The following AHNAK2 variants were observed in gnomAD, a reference collection of about 807,000 sequenced individuals.
AHNAK2 encodes the protein protein AHNAK2.
AHNAK2 carries 18 observed loss-of-function variants against 30.7 expected under a neutral mutation model. That is an observed-to-expected ratio of 0.59 (90% confidence interval 0.41 to 0.87). The LOEUF is 0.87. Among genes scored for constraint, AHNAK2 ranks in the 40% least tolerant of loss-of-function variants. AHNAK2 has a pLI of 0.00. For missense variants in AHNAK2, 8,604 were observed against 7,373.0 expected (o/e 1.17, Z -6.11); for synonymous variants, 3,590 against 3,073.8 (o/e 1.17, Z -5.56).
chr14:104,945,307 G>C lies in AHNAK2; in HGVS notation c.10144C>G (p.Pro3382Ala), dbSNP rs756938078. Residue 3382 changes from proline (P) to alanine (A), a missense_variant, in exon 7 of 7, where the codon CCC becomes GCC. By Grantham distance (27) the Pro-to-Ala change is conservative. Coordinates refer to ENST00000333244, the MANE Select transcript of AHNAK2 (RefSeq NM_138420.4). ...TGCCCTTTGAGGCCAGCTCCCTCGG[G>C]CACGTGGCCCTCCGGGAGCTTCACG... ...VDVKLPEGHV[P>A]EGAGLKGHLP... The C allele has an allele frequency of 2.5e-6, 4 of 1,612,980 alleles. No individual in the cohort carries two copies. The highest frequency in any genetic ancestry group is 3.4e-6 in the Non-Finnish European group (4 of 1,179,614).
Position 104,943,411 on chromosome 14 carries a change from T to C in AHNAK2, c.12040A>G (p.Thr4014Ala), listed in dbSNP as rs1898087445. 3 of 1,613,254 alleles carry C rather than the reference T, an allele frequency of 1.9e-6. No individual in the cohort carries two copies. Among genetic ancestry groups the C allele is most frequent in the Non-Finnish European group, 2.5e-6 (3 of 1,179,664 alleles). ...LPSMQGDLKA[T>A]DLSVQPPSAD... is the part of the protein sequence containing the mutation. The stretch of plus-strand genomic sequence containing the variant: ...GAAGGGGGCTGAACGCTGAGGTCAG[T>C]GGCCTTGAGGTCCCCCTGCATGGAA... Residue 4014 changes from threonine (T) to alanine (A), a missense_variant, in exon 7 of 7, where the codon ACT becomes GCT. By Grantham distance (58) the Thr-to-Ala change is moderately conservative. Transcript: ENST00000333244.
At position 104,953,995 on chromosome 14, in the gene AHNAK2, C is replaced by T. The variant is rs2140866346; in HGVS notation, c.1456G>A (p.Val486Ile). 1.2e-6 allele frequency: 2 copies of T among 1,613,824 alleles called. No homozygotes were observed. Among genetic ancestry groups the T allele is most frequent in the South Asian group, 1.1e-5 (1 of 91,086 alleles). The change falls in exon 7 of 7, where the codon GTA becomes ATA. Residue 486 changes from valine to isoleucine, a missense_variant. By Grantham distance (29) the Val-to-Ile change is conservative. Coordinates refer to ENST00000333244, the MANE Select transcript of AHNAK2 (RefSeq NM_138420.4). ...QIGPPEIRVRVHDLKTPKFAF... is the reference protein window; with the variant it reads ...QIGPPEIRVRIHDLKTPKFAF... ...AATTTTGGTGTCTTTAAATCGTGTACTCGCACCCTAATTTCTGGTGGGCCA... is the reference window on the plus strand; with the variant it reads ...AATTTTGGTGTCTTTAAATCGTGTATTCGCACCCTAATTTCTGGTGGGCCA...
In AHNAK2 at chr14:104,944,502, A is replaced by T. The variant is rs1428215929; in HGVS notation, c.10949T>A (p.Val3650Glu). Residue 3650 changes from valine (V) to glutamate (E), a missense_variant, in exon 7 of 7, where the codon GTA (valine) becomes GAA (glutamate). Val to Glu is a moderately radical substitution (Grantham distance 121). Coordinates refer to ENST00000333244, the MANE Select transcript of AHNAK2 (RefSeq NM_138420.4). ...MPKFKMPSFRVSAPGKSMEAS... is the reference protein window; with the variant it reads ...MPKFKMPSFRESAPGKSMEAS... ...CTCCATGGACTTCCCTGGGGCCGAT[A>T]CCCTGAATGACGGCATCTTGAATTT... is the stretch of plus-strand genomic sequence containing the variant. The T allele has an allele frequency of 6.2e-7, 1 of 1,612,262 alleles. No homozygotes were observed. The highest frequency in any genetic ancestry group is 8.5e-7 in the Non-Finnish European group (1 of 1,179,382).
At position 104,966,156 on chromosome 14, in the gene AHNAK2, A is replaced by G. The variant is rs953354643; in HGVS notation, c.56-8484T>C. Reference sequence around the variant, plus strand: ...CTCTCAAGCGAAGGAAGAGAAGGGCAGGAGGTGAGGGCAGGCAGGGCTGGG... The same window carrying G: ...CTCTCAAGCGAAGGAAGAGAAGGGCGGGAGGTGAGGGCAGGCAGGGCTGGG... On this transcript the variant is annotated intron_variant, in intron 1 of 6. Coordinates refer to ENST00000333244, the MANE Select transcript of AHNAK2 (RefSeq NM_138420.4). The surrounding 1 kb of genome is among the most constrained non-coding windows in gnomAD (Gnocchi z 4.3). Among the ~76,000 whole-genome samples, 1 of 152,134 alleles carries G rather than the reference A, an allele frequency of 6.6e-6. No homozygotes were observed. Among genetic ancestry groups the G allele is most frequent in the Non-Finnish European group, 1.5e-5 (1 of 68,002 alleles).
chr14:104,950,375 C>A lies in AHNAK2; in HGVS notation c.5076G>T (p.Val1692=), dbSNP rs781170116. 11 of 1,586,422 alleles carry A rather than the reference C, an allele frequency of 6.9e-6. 1 individual carries two copies. The South Asian group carries it at 1.2e-4, about 18-fold the overall frequency. Residue 1692 remains valine, a synonymous_variant, in exon 7 of 7, where the codon GTG becomes GTT. Coordinates refer to ENST00000333244, the MANE Select transcript of AHNAK2 (RefSeq NM_138420.4). ...DVSEPKVEAD[V]SLPSMQGDLK... is the part of the protein sequence containing the mutation. ...GGTCCCCCTGCATGGAGGGGAGGCT[C>A]ACATCAGCTTCCACCTTCGGCTCAG...
Position 104,946,578 on chromosome 14 carries a change from G to T in AHNAK2, c.8873C>A (p.Ala2958Glu). The change falls in exon 7 of 7, where the codon GCA becomes GAA. Residue 2958 changes from alanine (A) to glutamate (E), a missense_variant. Coordinates refer to ENST00000333244, the MANE Select transcript of AHNAK2 (RefSeq NM_138420.4). ...VEAPRAKLDG[A>E]RLEGDLSLAD... ...CAGGGACAGGTCACCCTCCAGCCGT[G>T]CACCATCCAGCTTTGCTCTCGGGGC... 1 of 1,612,938 alleles carries T rather than the reference G, an allele frequency of 6.2e-7. No individual in the cohort carries two copies.
intron 3 of AHNAK2, among the ~76,000 whole-genome samples, chr14:104,957,147 C>A (rs1898999420): frequency 6.6e-6 from 1 of 152,228 alleles, no homozygotes. Context: ...CCCTGAAACA[C>A]AAACACAGTA....
rs182889541 is a variant in AHNAK2 at position 104,952,489 on chromosome 14, C to G, written c.2962G>C (p.Asp988His). 6 of 1,612,550 alleles carry G rather than the reference C, an allele frequency of 3.7e-6. No homozygotes were observed. The African/African-American group carries it at 8.1e-5, about 22-fold the overall frequency. Residue 988 changes from aspartate (D) to histidine (H), a missense_variant, in exon 7 of 7, where the codon GAC becomes CAC. Physicochemically the swap from Asp to His is moderately conservative, Grantham distance 81. Coordinates refer to ENST00000333244, the MANE Select transcript of AHNAK2 (RefSeq NM_138420.4). The part of the protein sequence containing the change: ...AWLEGDLSLA[D>H]KDVTAKDSKF... ...CTGTCTTTGGCAGTCACGTCCTTGT[C>G]GGCCAGGGACAGGTCCCCCTCCAGC...
rs1898870440 is a variant in AHNAK2 at position 104,953,561 on chromosome 14, C to T, written c.1890G>A (p.Glu630=). ...TADRREQRRT[E]EGLKDKEDSD... Reference sequence around the variant, plus strand: ...TGTCTTCTTTGTCTTTTAATCCTTCCTCTGTGCGTCTCTGTTCTCTTCTAT... The same window carrying T: ...TGTCTTCTTTGTCTTTTAATCCTTCTTCTGTGCGTCTCTGTTCTCTTCTAT... The change falls in exon 7 of 7, where the codon GAG becomes GAA. Residue 630 remains glutamate (E), a synonymous_variant. Coordinates refer to ENST00000333244, the MANE Select transcript of AHNAK2 (RefSeq NM_138420.4). 6.2e-7 allele frequency: 1 copy of T among 1,613,842 alleles called. No homozygotes were observed. The highest frequency in any genetic ancestry group is 1.7e-5 in the Admixed American group (1 of 59,992).
chr14:104,967,323 C>A (rs572958026), intron 1 of AHNAK2, among the ~76,000 whole-genome samples: 3 of 152,080 alleles, frequency 2.0e-5, no homozygotes, highest in Admixed American at 2.0e-4. Flanking sequence ...AGAAGGGACT[C>A]GCCAGGCAGG....
At chr14:104,973,786 C>CTG (rs1455206188) in intron 1 of AHNAK2, among the ~76,000 whole-genome samples, 10 of 152,236 alleles carry the variant, frequency 6.6e-5, no homozygotes, top group Non-Finnish European at 1.2e-4. Context: ...CCCAAGAGCT[C>CTG]TGCAGAGAGG....
At position 104,942,060 on chromosome 14, in the gene AHNAK2, T is replaced by C; in HGVS notation, c.13391A>G (p.Lys4464Arg). 6.2e-7 allele frequency: 1 copy of C among 1,612,366 alleles called. No individual in the cohort carries two copies. Among genetic ancestry groups the C allele is most frequent in the Non-Finnish European group, 8.5e-7 (1 of 1,179,480 alleles). ...GGATGGCATCTTGAACTTGGGCATT[T>C]TGAACTTGCTGTCTTTGGCAGTCAC... ...KDVTAKDSKFKMPKFKMPSFG... is the reference protein window; with the variant it reads ...KDVTAKDSKFRMPKFKMPSFG... The change falls in exon 7 of 7, where the codon AAA becomes AGA. Residue 4464 changes from lysine (K) to arginine (R), a missense_variant. Lys to Arg is a conservative substitution (Grantham distance 26). Transcript: ENST00000333244.
rs117998121 is a variant in AHNAK2, at chr14:104,946,981, C to G, written c.8470G>C (p.Gly2824Arg). 1 of 1,608,988 alleles carries G rather than the reference C, an allele frequency of 6.2e-7. No individual in the cohort carries two copies. Among genetic ancestry groups the G allele is most frequent in the Admixed American group, 1.7e-5 (1 of 59,604 alleles). The change falls in exon 7 of 7, where the codon GGG becomes CGG. Residue 2824 changes from glycine (G) to arginine (R), a missense_variant. Gly to Arg is a moderately radical substitution (Grantham distance 125). Transcript: ENST00000333244. ...KMPKFKMPSF[G>R]VSAPGKSIEA... ...ATGGACTTGCCTGGGGCCGACACCC[C>G]GAATGACGGCATCTTGAACTTGGGC...
chr14:104,938,643 C>A lies in AHNAK2; in HGVS notation c.16808G>T (p.Cys5603Phe). Residue 5603 changes from cysteine (C) to phenylalanine (F), a missense_variant, in exon 7 of 7, where the codon TGT becomes TTT. Coordinates refer to ENST00000333244, the MANE Select transcript of AHNAK2 (RefSeq NM_138420.4). Reference protein sequence around the residue: ...VPSGHQLADSCSDEEPAEILE... With the variant: ...VPSGHQLADSFSDEEPAEILE... The stretch of plus-strand genomic sequence containing the variant: ...AATTTCTGCTGGCTCCTCATCTGAA[C>A]AGCTGTCTGCAAGCTGGTGGCCAGA... The A allele has an allele frequency of 2.5e-6, 4 of 1,612,294 alleles. No individual in the cohort carries two copies. Among genetic ancestry groups the A allele is most frequent in the Non-Finnish European group, 3.4e-6 (4 of 1,179,144 alleles).
chr14:104,946,499 C>G lies in AHNAK2; in HGVS notation c.8952G>C (p.Lys2984Asn), dbSNP rs762522122. ...KDSKFKMPKF[K>N]MPSFGVSAPG... ...GGGCAGACACCCCGAACGACGGCAT[C>G]TTGAACTTGGGCATTTTGAACTTGC... The change falls in exon 7 of 7, where the codon AAG becomes AAC. Residue 2984 changes from lysine (K) to asparagine (N), a missense_variant. Lys to Asn is a moderately conservative substitution (Grantham distance 94). Transcript: ENST00000333244. The G allele has an allele frequency of 6.2e-6, 10 of 1,612,502 alleles. No individual in the cohort carries two copies. In the African/African-American group the frequency reaches 1.1e-4, roughly 17 times the overall value.
chr14:104,965,730 C>T (rs367707997), intron 1 of AHNAK2, among the ~76,000 whole-genome samples: 10 of 152,336 alleles, frequency 6.6e-5, no homozygotes, highest in African/African-American at 2.2e-4. Flanking sequence ...TCCCTGTCCC[C>T]TGCGGTAGGT....
In AHNAK2 at chr14:104,952,526, C is replaced by A. The variant is rs747303400; in HGVS notation, c.2925G>T (p.Leu975=). 4.1e-5 allele frequency: 66 copies of A among 1,612,854 alleles called. No homozygotes were observed. Among genetic ancestry groups the A allele is most frequent in the Non-Finnish European group, 5.4e-5 (64 of 1,179,702 alleles). ...GGTCCCCCTCCAGCCACGCACCATCCAGCTTGGCCTTCTGGGCCTGGACAT... is the reference window on the plus strand; with the variant it reads ...GGTCCCCCTCCAGCCACGCACCATCAAGCTTGGCCTTCTGGGCCTGGACAT... ...EVDVQAQKAK[L]DGAWLEGDLS... is the part of the protein sequence containing the mutation. The change falls in exon 7 of 7, where the codon CTG becomes CTT. Residue 975 remains leucine (L), a synonymous_variant. Coordinates refer to ENST00000333244, the MANE Select transcript of AHNAK2 (RefSeq NM_138420.4).
In AHNAK2 at chr14:104,953,033, C is replaced by G; in HGVS notation, c.2418G>C (p.Pro806=). 1 of 1,613,160 alleles carries G rather than the reference C, an allele frequency of 6.2e-7. No homozygotes were observed. The highest frequency in any genetic ancestry group is 8.5e-7 in the Non-Finnish European group (1 of 1,179,710). The part of the protein sequence containing the change: ...LSSMEVDVQA[P]RAKLDGARLE... ...GCCGCGCACCATCCAGCTTTGCTCT[C>G]GGGGCCTGGACGTCCACCTCCATGC... Residue 806 remains proline (P), a synonymous_variant, in exon 7 of 7, where the codon CCG becomes CCC. Coordinates refer to ENST00000333244, the MANE Select transcript of AHNAK2 (RefSeq NM_138420.4).
Position 104,948,332 on chromosome 14 carries a change from A to C in AHNAK2, c.7119T>G (p.Ala2373=), listed in dbSNP as rs770175320. ...CTTGGCCAGCCTGGACCTCCAGGTC[A>C]GCGGAAGGGGGCTGAACGCTGAGGT... is the stretch of plus-strand genomic sequence containing the variant. ...TTDLSVQPPS[A]DLEVQAGQVD... Residue 2373 remains alanine (A), a synonymous_variant, in exon 7 of 7, where the codon GCT becomes GCG. Coordinates refer to ENST00000333244, the MANE Select transcript of AHNAK2 (RefSeq NM_138420.4). 2 of 1,610,306 alleles carry C rather than the reference A, an allele frequency of 1.2e-6. No homozygotes were observed. Among genetic ancestry groups the C allele is most frequent in the South Asian group, 1.1e-5 (1 of 90,992 alleles).
Sources: gnomAD v4.1 joint callset for allele counts (sites outside exome capture counted in the v4.1 genomes callset) on GRCh38, gnomAD v4.1.1 for gene constraint, Gnocchi (gnomAD v3.1) non-coding constraint, MANE v1.5 for transcripts, NCBI Gene and HGNC (gene_info 2026-07-23, HGNC 2026-07-21) for gene names.